CSMD1: variants seen among roughly 807,000 people sequenced by gnomAD.
CSMD1 encodes the protein CUB and sushi domain-containing protein 1.
A neutral mutation model predicts 417.5 loss-of-function variants in CSMD1; 213 were observed. The ratio of observed to expected loss-of-function variants is 0.51; its 90% CI spans 0.46 to 0.57. CSMD1 has a LOEUF of 0.57. Ranked by LOEUF, CSMD1 falls within the 20% of genes least tolerant of loss-of-function variation. The pLI is 0.00. For missense variants in CSMD1, 6,923 were observed against 4,529.7 expected, an observed-to-expected ratio of 1.53 and a Z score of -15.17; for synonymous variants, 2,862 against 1,736.8, an observed-to-expected ratio of 1.65 and a Z score of -16.11.
chr8:3,549,788 C>G (rs1264462168), intron 10 of CSMD1, among the ~76,000 whole-genome samples: 1 of 152,158 alleles, frequency 6.6e-6, no homozygotes, highest in Non-Finnish European at 1.5e-5. Context: ...GCCTCCACAA[C>G]TGTAAATAAT....
chr8:3,001,248 G>C (rs577119568), intron 52 of CSMD1, among the ~76,000 whole-genome samples: 4 of 152,056 alleles, frequency 2.6e-5, no homozygotes, highest in Non-Finnish European at 4.4e-5. Context: ...CTCCTGCCTT[G>C]GCCTCCCAAA....
At chr8:4,357,555 A>G (rs1391475884) in intron 3 of CSMD1, among the ~76,000 whole-genome samples, 1 of 152,214 alleles carries the variant, frequency 6.6e-6, no homozygotes, top group Non-Finnish European at 1.5e-5. Context: ...AGTTGGAAAA[A>G]AAAAATCTGT....
intron 2 of CSMD1, among the ~76,000 whole-genome samples, chr8:4,605,249 G>C (rs775906628): frequency 2.6e-5 from 4 of 152,056 alleles, no homozygotes; most frequent in South Asian, 4.1e-4. Context: ...ACTAACGTTA[G>C]ACCGATGAAG....
chr8:3,942,576 G>C (rs73176213), intron 5 of CSMD1, among the ~76,000 whole-genome samples: 4,201 of 152,234 alleles, frequency 0.028, 98 homozygotes, highest in Admixed American at 0.041. Context: ...GCTTCACAGA[G>C]AGATAGATGT....
At chr8:4,038,553 G>A (rs1400311199) in intron 3 of CSMD1, among the ~76,000 whole-genome samples, 3 of 152,312 alleles carry the variant, frequency 2.0e-5, no homozygotes, top group Non-Finnish European at 2.9e-5. Context: ...CAGTTTGCCT[G>A]AAGATTATGC....
intron 5 of CSMD1, among the ~76,000 whole-genome samples, chr8:3,925,521 C>A (rs1032378690): frequency 6.6e-6 from 1 of 152,144 alleles, no homozygotes; most frequent in South Asian, 2.1e-4. Flanking sequence ...GGTCCCCACT[C>A]AAAACTTCCA....
chr8:3,760,939 C>T (rs1209679502), intron 5 of CSMD1, among the ~76,000 whole-genome samples: 1 of 151,244 alleles, frequency 6.6e-6, no homozygotes, highest in Non-Finnish European at 1.5e-5. Flanking sequence ...GGGCAGAAAG[C>T]CATATAAAAG....
intron 5 of CSMD1, among the ~76,000 whole-genome samples, chr8:3,972,329 T>C (rs1399529458): frequency 1.3e-5 from 2 of 152,222 alleles, no homozygotes; most frequent in East Asian, 3.8e-4. Flanking sequence ...TTTCCAAGAT[T>C]GTCACTTTTT....
intron 49 of CSMD1, among the ~76,000 whole-genome samples, chr8:3,076,518 C>T (rs1343536172): frequency 1.3e-5 from 2 of 152,236 alleles, no homozygotes; most frequent in East Asian, 1.9e-4. Context: ...GACTTTCTAT[C>T]TCTGGTGCCA....
chr8:3,841,325 G>A (rs377728167), intron 5 of CSMD1, among the ~76,000 whole-genome samples: 1 of 152,034 alleles, frequency 6.6e-6, no homozygotes, highest in Non-Finnish European at 1.5e-5. Flanking sequence ...AAATAAATTG[G>A]CATCAAGTGC....
chr8:4,174,421 G>A (rs776586141), intron 3 of CSMD1, among the ~76,000 whole-genome samples: 23 of 152,030 alleles, frequency 1.5e-4, no homozygotes, highest in East Asian at 5.9e-4. Flanking sequence ...GCACTTCACC[G>A]TGTATGTAAT....
At chr8:3,817,696 C>G (rs1801466504) in intron 5 of CSMD1, among the ~76,000 whole-genome samples, 1 of 152,134 alleles carries the variant, frequency 6.6e-6, no homozygotes, top group Non-Finnish European at 1.5e-5. Context: ...CACTTCTCTA[C>G]TCTCAGAAGG....
chr8:4,326,726 G>A (rs182162807), intron 3 of CSMD1, among the ~76,000 whole-genome samples: 13 of 152,210 alleles, frequency 8.5e-5, no homozygotes, highest in Middle Eastern at 3.4e-3. Context: ...CACCAAATGG[G>A]GACTTGATGG....
At chr8:4,172,827 A>G (rs1371984639) in intron 3 of CSMD1, among the ~76,000 whole-genome samples, 9 of 152,072 alleles carry the variant, frequency 5.9e-5, no homozygotes, top group Admixed American at 5.9e-4. Flanking sequence ...ATATGTCCAT[A>G]TGGAAGGGAC....
Position 3,409,489 on chromosome 8 carries a change from C to A in CSMD1, c.1678G>T (p.Val560Leu). The change falls in exon 13 of 70, where the codon GTG becomes TTG. Residue 560 changes from valine to leucine, a missense_variant. Transcript: ENST00000635120. ...TFECPAAFEL[V>L]GERVITCQQN... ...TGACAGGTGATAACTCTCTCCCCCA[C>A]CAGCTCAAAGGCCGCCGGGCATTCA... is the stretch of plus-strand genomic sequence containing the variant. 1.2e-6 allele frequency: 2 copies of A among 1,611,740 alleles called. No individual in the cohort carries two copies. Among genetic ancestry groups the A allele is most frequent in the East Asian group, 2.2e-5 (1 of 44,794 alleles).
chr8:4,146,860 T>TC (rs1224354574), intron 3 of CSMD1, among the ~76,000 whole-genome samples: 1 of 146,732 alleles, frequency 6.8e-6, no homozygotes, highest in Non-Finnish European at 1.5e-5. Flanking sequence ...TCCGCCCGCC[T>TC]CAGCCTCCCA....
intron 21 of CSMD1, among the ~76,000 whole-genome samples, chr8:3,356,204 A>G (rs1234893735): frequency 3.3e-5 from 5 of 152,172 alleles, no homozygotes; most frequent in African/African-American, 1.2e-4. Context: ...CCACAGGCAA[A>G]TCATTTTTAT....
At chr8:4,107,677 G>A (rs1376505039) in intron 3 of CSMD1, among the ~76,000 whole-genome samples, 1 of 152,096 alleles carries the variant, frequency 6.6e-6, no homozygotes, top group Non-Finnish European at 1.5e-5. Context: ...CATCATCTGT[G>A]TCCAACATGA....
chr8:4,179,120 GT>G (rs1798214371), intron 3 of CSMD1, among the ~76,000 whole-genome samples: 1 of 152,150 alleles, frequency 6.6e-6, no homozygotes, highest in Non-Finnish European at 1.5e-5. Flanking sequence ...GCATCGCCAA[GT>G]CAATCCTAAG....
Sources: gnomAD v4.1 joint callset for allele counts (sites outside exome capture counted in the v4.1 genomes callset) on GRCh38, gnomAD v4.1.1 for gene constraint, MANE v1.5 for transcripts, NCBI Gene and HGNC (gene_info 2026-07-23, HGNC 2026-07-21) for gene names.